Variants in DIPK1A observed in about 807,000 individuals in gnomAD.
DIPK1A encodes the protein divergent protein kinase domain 1A, also known as family with sequence similarity 69 member A.
In DIPK1A, 27 loss-of-function variants were observed where a neutral mutation model predicts 40.8. That is an observed-to-expected ratio of 0.66 (90% CI 0.49 to 0.91). The LOEUF is 0.91. Among genes scored for constraint, DIPK1A ranks in the 40% least tolerant of loss-of-function variants. The pLI, the probability that DIPK1A is intolerant of heterozygous loss-of-function variation, is 0.00. For missense variants in DIPK1A, 412 were observed against 505.7 expected, an observed-to-expected ratio of 0.81 and a Z score of 1.78; for synonymous variants, 166 against 171.3, an observed-to-expected ratio of 0.97 and a Z score of 0.24.
At chr1:92,906,967 G>C (rs892640948) in intron 1 of DIPK1A, among the ~76,000 whole-genome samples, 1 of 152,150 alleles carries the variant, frequency 6.6e-6, no homozygotes, top group African/African-American at 2.4e-5. Flanking sequence ...ATAAACAAAA[G>C]AAGTCAGTGT....
intron 3 of DIPK1A, among the ~76,000 whole-genome samples, chr1:92,848,824 T>TTAA (rs1687716193): frequency 6.6e-6 from 1 of 152,224 alleles, no homozygotes; most frequent in Admixed American, 6.5e-5. Flanking sequence ...TTTAACATGA[T>TTAA]TAATACTGTC....
chr1:92,833,678 C>A lies in DIPK1A; in HGVS notation c.475-644G>T. The A allele has an allele frequency of 1.9e-6, 3 of 1,584,638 alleles. No individual in the cohort carries two copies. Among genetic ancestry groups the A allele is most frequent in the Non-Finnish European group, 2.6e-6 (3 of 1,155,080 alleles). On this transcript the variant is annotated intron_variant, in intron 4 of 4. Coordinates refer to the DIPK1A transcript ENST00000615519. ...TTTGTCAGGTAAGTTGTATTCTAGA[C>A]AGTCCCCTTTTTTTATTGCTAGAGA...
chr1:92,872,361 TACGAGCC>T lies in DIPK1A; in HGVS notation c.189+3928_189+3934del, dbSNP rs1298820702. On this transcript the variant is annotated intron_variant, in intron 2 of 4. Coordinates refer to ENST00000370310, the MANE Select transcript of DIPK1A (RefSeq NM_001006605.5). ...CCTCCCAAAGTGCTGGGATTACAGG[TACGAGCC>T]ACCATGCCCAGCCTTGATTCTTTTT... is the stretch of plus-strand genomic sequence containing the variant. Among the ~76,000 whole-genome samples, 4 of 152,112 alleles carry T rather than the reference TACGAGCC, an allele frequency of 2.6e-5. No homozygotes were observed. The East Asian group carries it at 7.7e-4, about 29-fold the overall frequency.
intron 1 of DIPK1A, among the ~76,000 whole-genome samples, chr1:92,897,602 C>T (rs1649229229): frequency 6.6e-6 from 1 of 152,102 alleles, no homozygotes; most frequent in Non-Finnish European, 1.5e-5. Context: ...CACATGTATA[C>T]ATATGTAACA....
intron 1 of DIPK1A, among the ~76,000 whole-genome samples, chr1:92,955,567 G>A (rs546807024): frequency 5.8e-4 from 88 of 151,608 alleles, no homozygotes; most frequent in African/African-American, 1.8e-3. Context: ...GAGTGGTGGC[G>A]GGCACCTGTA....
chr1:92,885,393 G>A (rs1033778197), intron 1 of DIPK1A, among the ~76,000 whole-genome samples: 1 of 151,690 alleles, frequency 6.6e-6, no homozygotes, highest in Non-Finnish European at 1.5e-5. Context: ...TTTTTGGAAG[G>A]AGTCTCACTC....
chr1:92,855,197 T>C (rs1310402443), intron 2 of DIPK1A, among the ~76,000 whole-genome samples: 2 of 152,164 alleles, frequency 1.3e-5, no homozygotes, highest in African/African-American at 4.8e-5. Flanking sequence ...GAAATTACCA[T>C]GGAAATGCAG....
chr1:92,892,821 TA>T (rs138300135), intron 1 of DIPK1A, among the ~76,000 whole-genome samples: 103,979 of 151,896 alleles, frequency 0.68, 36,164 homozygotes, highest in East Asian at 0.96. Flanking sequence ...CTGATGGAGC[TA>T]AAAAACCACA....
chr1:92,884,244 T>G (rs1648502175), intron 1 of DIPK1A, among the ~76,000 whole-genome samples: 1 of 151,994 alleles, frequency 6.6e-6, no homozygotes, highest in African/African-American at 2.4e-5. Context: ...CTCAGGAGTT[T>G]GAGACCAGCC....
intron 1 of DIPK1A, among the ~76,000 whole-genome samples, chr1:92,905,129 C>T (rs1376616859): frequency 6.6e-6 from 1 of 152,102 alleles, no homozygotes; most frequent in East Asian, 1.9e-4. Flanking sequence ...ATGCAGAAAC[C>T]TATTTTATAT....
chr1:92,845,006 G>A (rs1385450131), intron 4 of DIPK1A, among the ~76,000 whole-genome samples: 17 of 144,364 alleles, frequency 1.2e-4, no homozygotes, highest in Admixed American at 1.1e-3. Context: ...GTGCAGTGGC[G>A]CGATCTCAGC....
At chr1:92,839,031 CTTT>C (rs35078348), downstream of DIPK1A, among the ~76,000 whole-genome samples, 12 of 118,292 alleles carry the variant, frequency 1.0e-4, no homozygotes, top group African/African-American at 3.2e-4. Context: ...AGAGTTGCAG[CTTT>C]TTTTTTTTTT....
At chr1:92,961,113 G>A (rs1652062438) in intron 1 of DIPK1A, among the ~76,000 whole-genome samples, 1 of 152,024 alleles carries the variant, frequency 6.6e-6, no homozygotes, top group African/African-American at 2.4e-5. Context: ...GGATGCGAGG[G>A]CGTACCCGGG....
chr1:92,875,151 TC>T (rs1648058997), intron 2 of DIPK1A, among the ~76,000 whole-genome samples: 1 of 152,134 alleles, frequency 6.6e-6, no homozygotes, highest in Non-Finnish European at 1.5e-5. Context: ...TTGGGGAAGC[TC>T]CAGGTTTCCG....
At chr1:92,839,848 T>G (rs1687281333), downstream of DIPK1A, among the ~76,000 whole-genome samples, 1 of 145,666 alleles carries the variant, frequency 6.9e-6, no homozygotes, top group Non-Finnish European at 1.5e-5. Flanking sequence ...GTTTTCTTAC[T>G]TTTTTTTTTT....
In DIPK1A at chr1:92,928,693, G is replaced by A. The variant is rs539110564; in HGVS notation, c.54+32683C>T. 2.6e-5 allele frequency among the ~76,000 whole-genome samples: 4 copies of A among 152,326 alleles called. No homozygotes were observed. The East Asian group carries it at 7.7e-4, about 29-fold the overall frequency. ...TGAAATTCTAGAGGCTGGGTATGGT[G>A]GCACATGCCTGTAATCCCAGCACTT... On this transcript the variant is annotated intron_variant, in intron 1 of 4. Coordinates refer to ENST00000370310, the MANE Select transcript of DIPK1A (RefSeq NM_001006605.5).
intron 2 of DIPK1A, among the ~76,000 whole-genome samples, chr1:92,863,990 A>G (rs1376448574): frequency 1.3e-5 from 2 of 152,132 alleles, no homozygotes; most frequent in Admixed American, 6.6e-5. Context: ...CCGGGAGGTG[A>G]AGGTTGCAGT....
chr1:92,936,099 AAAGAACAACAAT>A (rs1196941591), intron 1 of DIPK1A, among the ~76,000 whole-genome samples: 7 of 152,178 alleles, frequency 4.6e-5, no homozygotes, highest in Non-Finnish European at 1.0e-4. Flanking sequence ...AAGAAAAACA[AAAGAACAACAAT>A]AAGAACAACA....
At chr1:92,954,310 AT>A (rs199614206) in intron 1 of DIPK1A, among the ~76,000 whole-genome samples, 24 of 151,020 alleles carry the variant, frequency 1.6e-4, no homozygotes, top group African/African-American at 2.7e-4. Context: ...AAAAAAAAAA[AT>A]AAATAAATAA....
Sources: gnomAD v4.1 joint callset for allele counts (sites outside exome capture counted in the v4.1 genomes callset) on GRCh38, gnomAD v4.1.1 for gene constraint, MANE v1.5 for transcripts, NCBI Gene and HGNC (gene_info 2026-07-23, HGNC 2026-07-21) for gene names.